SDCCAG8: variants seen among roughly 807,000 people sequenced by gnomAD.
SDCCAG8 encodes SHH signaling and ciliogenesis regulator SDCCAG8, also known as serologically defined colon cancer antigen 8.
In SDCCAG8, 74 loss-of-function variants were observed where a neutral mutation model predicts 101.8. The observed-to-expected ratio is 0.73, with a 90% CI of 0.60 to 0.88. The LOEUF (loss-of-function observed/expected upper bound fraction) is 0.88. SDCCAG8 is among the 40% of genes least tolerant of loss of function. The pLI is 0.00. For missense variants in SDCCAG8, 787 were observed against 822.6 expected (o/e 0.96, Z 0.53); for synonymous variants, 281 against 292.9 (o/e 0.96, Z 0.41).
intron 9 of SDCCAG8, among the ~76,000 whole-genome samples, chr1:243,328,042 A>C (rs2074322180): frequency 6.6e-6 from 1 of 151,530 alleles, no homozygotes; most frequent in Non-Finnish European, 1.5e-5. Context: ...AGCTGGGACT[A>C]CAGGTGCCCG....
intron 13 of SDCCAG8, among the ~76,000 whole-genome samples, chr1:243,402,756 T>C (rs2079494447): frequency 6.6e-6 from 1 of 152,172 alleles, no homozygotes; most frequent in Non-Finnish European, 1.5e-5. Flanking sequence ...CCTGAATTGT[T>C]TCTACAAAAA....
chr1:243,266,406 C>G (rs1467978146), intron 1 of SDCCAG8, among the ~76,000 whole-genome samples: 3 of 149,450 alleles, frequency 2.0e-5, no homozygotes, highest in Admixed American at 6.6e-5. Flanking sequence ...AACCTCCGCC[C>G]CCCGGCTTCA....
chr1:243,407,028 G>A (rs988481622), intron 13 of SDCCAG8, among the ~76,000 whole-genome samples: 2 of 151,768 alleles, frequency 1.3e-5, no homozygotes, highest in African/African-American at 4.8e-5. Flanking sequence ...AATATTTACT[G>A]TACCATGAGT....
At chr1:243,465,051 A>T (rs1210753121) in intron 16 of SDCCAG8, among the ~76,000 whole-genome samples, 1 of 152,204 alleles carries the variant, frequency 6.6e-6, no homozygotes, top group African/African-American at 2.4e-5. Flanking sequence ...AGGGCCAACT[A>T]AATACAGTTT....
In SDCCAG8 at chr1:243,448,408, T is replaced by C. The variant is rs189224849; in HGVS notation, c.1985+21850T>C. Among the ~76,000 whole-genome samples, 10 of 152,368 alleles carry C rather than the reference T, an allele frequency of 6.6e-5. No individual in the cohort carries two copies. In the East Asian group the frequency reaches 1.9e-3, roughly 29 times the overall value. On this transcript the variant is annotated intron_variant, in intron 16 of 17. Transcript: ENST00000366541. Reference sequence around the variant, plus strand: ...TTGGTGTTTGTTCATGTATTTATTTTATTTATAGTTCTTTCACTCTACATA... The same window carrying C: ...TTGGTGTTTGTTCATGTATTTATTTCATTTATAGTTCTTTCACTCTACATA...
chr1:243,416,895 T>C lies in SDCCAG8; in HGVS notation c.1744+1066T>C, dbSNP rs1463570632. On this transcript the variant is annotated intron_variant, in intron 14 of 17. Coordinates refer to ENST00000366541, the MANE Select transcript of SDCCAG8 (RefSeq NM_006642.5). The surrounding 1 kb of genome is among the most constrained non-coding windows in gnomAD (Gnocchi z 4.3). The stretch of plus-strand genomic sequence containing the variant: ...ATTTTGATTTGTATGCTATATGCTT[T>C]TTGCCAATCATTGGCTAAAATTGAA... 1.3e-5 allele frequency among the ~76,000 whole-genome samples: 2 copies of C among 152,200 alleles called. No individual in the cohort carries two copies. Among genetic ancestry groups the C allele is most frequent in the Non-Finnish European group, 2.9e-5 (2 of 68,024 alleles).
intron 16 of SDCCAG8, among the ~76,000 whole-genome samples, chr1:243,472,362 G>C (rs1207943016): frequency 6.6e-6 from 1 of 152,182 alleles, no homozygotes; most frequent in Non-Finnish European, 1.5e-5. Context: ...TAGCTGGTCA[G>C]TACCTGGTGG....
At chr1:243,430,215 T>C (rs1348304541) in intron 16 of SDCCAG8, among the ~76,000 whole-genome samples, 1 of 152,124 alleles carries the variant, frequency 6.6e-6, no homozygotes, top group Non-Finnish European at 1.5e-5. Flanking sequence ...AGATCAGGAA[T>C]TGGCAAACTA....
chr1:243,350,950 T>C (rs2076051829), intron 12 of SDCCAG8, among the ~76,000 whole-genome samples: 1 of 152,232 alleles, frequency 6.6e-6, no homozygotes. Context: ...GCAGTGTTAG[T>C]CTTTTCTACT....
intron 13 of SDCCAG8, among the ~76,000 whole-genome samples, chr1:243,401,637 G>C (rs1248415278): frequency 1.3e-5 from 2 of 151,880 alleles, no homozygotes. Context: ...TAATTTGCCA[G>C]CTTGGCTGTA....
intron 12 of SDCCAG8, among the ~76,000 whole-genome samples, chr1:243,368,557 C>G (rs1479348314): frequency 6.6e-6 from 1 of 152,174 alleles, no homozygotes; most frequent in Non-Finnish European, 1.5e-5. Flanking sequence ...TCTTGTGATA[C>G]AGCTCTGAAC....
intron 1 of SDCCAG8, among the ~76,000 whole-genome samples, chr1:243,260,110 T>C (rs921092687): frequency 6.6e-6 from 1 of 152,166 alleles, no homozygotes; most frequent in Non-Finnish European, 1.5e-5. Context: ...TTACAAGAAA[T>C]TGGAGACATT....
At chr1:243,352,042 A>G (rs773838080) in intron 12 of SDCCAG8, among the ~76,000 whole-genome samples, 24 of 152,196 alleles carry the variant, frequency 1.6e-4, no homozygotes, top group Non-Finnish European at 2.8e-4. Flanking sequence ...AGAAACACTG[A>G]CTTTTCAATT....
At chr1:243,402,019 G>A (rs2079429881) in intron 13 of SDCCAG8, among the ~76,000 whole-genome samples, 2 of 152,092 alleles carry the variant, frequency 1.3e-5, no homozygotes, top group Admixed American at 6.5e-5. Context: ...CTTTGCTATA[G>A]GGTGGTAGAC....
chr1:243,382,047 G>A (rs1035676347), intron 13 of SDCCAG8, among the ~76,000 whole-genome samples: 1 of 152,188 alleles, frequency 6.6e-6, no homozygotes, highest in African/African-American at 2.4e-5. Flanking sequence ...CCCAGGTAGA[G>A]AGACCAATAT....
chr1:243,320,866 C>T (rs1450499646), intron 9 of SDCCAG8, among the ~76,000 whole-genome samples: 2 of 152,192 alleles, frequency 1.3e-5, no homozygotes, highest in Non-Finnish European at 2.9e-5. Context: ...GTGCATTCTT[C>T]TCTGCTCCAC....
intron 12 of SDCCAG8, among the ~76,000 whole-genome samples, chr1:243,378,044 A>G (rs1198645493): frequency 1.3e-5 from 2 of 151,724 alleles, no homozygotes; most frequent in Non-Finnish European, 2.9e-5. Context: ...CAAAAAATAA[A>G]CCTTCATAAA....
chr1:243,322,168 G>T (rs568498881), intron 9 of SDCCAG8, among the ~76,000 whole-genome samples: 1 of 152,168 alleles, frequency 6.6e-6, no homozygotes, highest in Admixed American at 6.5e-5. Flanking sequence ...CCAATGCTAC[G>T]GCACTGGCTT....
At chr1:243,428,616 A>G (rs924896063) in intron 16 of SDCCAG8, among the ~76,000 whole-genome samples, 1 of 152,240 alleles carries the variant, frequency 6.6e-6, no homozygotes, top group African/African-American at 2.4e-5. Context: ...ATGAATACAT[A>G]AAACATCTGT....
Sources: gnomAD v4.1 joint callset for allele counts (sites outside exome capture counted in the v4.1 genomes callset) on GRCh38, gnomAD v4.1.1 for gene constraint, Gnocchi (gnomAD v3.1) non-coding constraint, MANE v1.5 for transcripts, NCBI Gene and HGNC (gene_info 2026-07-23, HGNC 2026-07-21) for gene names.